EFCAB13: variants seen among roughly 807,000 people sequenced by gnomAD.
EFCAB13 encodes EF-hand calcium binding domain 13.
Under a neutral mutation model 110.2 loss-of-function variants are expected in EFCAB13, and 91 were observed. The observed-to-expected ratio is 0.83, with a 90% CI of 0.70 to 0.98. The LOEUF is 0.98. Among genes scored for constraint, EFCAB13 ranks in the 50% least tolerant of loss-of-function variants. The pLI, the probability that EFCAB13 is intolerant of heterozygous loss-of-function variation, is 0.00. For missense variants in EFCAB13, 968 were observed against 1,119.4 expected, an observed-to-expected ratio of 0.86 and a Z score of 1.93; for synonymous variants, 323 against 369.9, an observed-to-expected ratio of 0.87 and a Z score of 1.45.
At chr17:47,421,125 C>G (rs1341380173) in intron 23 of EFCAB13, among the ~76,000 whole-genome samples, 1 of 151,886 alleles carries the variant, frequency 6.6e-6, no homozygotes, top group Non-Finnish European at 1.5e-5. Context: ...TGCCCGGCCA[C>G]CACCCCGTCT....
At chr17:47,400,992 A>C (rs987967957) in intron 17 of EFCAB13, among the ~76,000 whole-genome samples, 1 of 152,218 alleles carries the variant, frequency 6.6e-6, no homozygotes, top group Non-Finnish European at 1.5e-5. Context: ...TGGAATGTAC[A>C]AACACTTCTA....
At chr17:47,360,853 G>C (rs1365956592) in intron 9 of EFCAB13, among the ~76,000 whole-genome samples, 1 of 152,086 alleles carries the variant, frequency 6.6e-6, no homozygotes, top group African/African-American at 2.4e-5. Context: ...TGGCTAGCCA[G>C]TTTTCCCAGC....
chr17:47,360,848 A>T (rs2143316344), intron 9 of EFCAB13, among the ~76,000 whole-genome samples: 1 of 152,276 alleles, frequency 6.6e-6, no homozygotes, highest in African/African-American at 2.4e-5. Flanking sequence ...ACAAATGGCT[A>T]GCCAGTTTTC....
At chr17:47,420,216 C>A (rs761194054) in intron 23 of EFCAB13, among the ~76,000 whole-genome samples, 10 of 152,210 alleles carry the variant, frequency 6.6e-5, no homozygotes, top group African/African-American at 2.4e-4. Flanking sequence ...CCCAAGGTGC[C>A]GGGGTTGCAG....
intron 10 of EFCAB13, 97 bp downstream of exon 10, chr17:47,361,618 C>T: frequency 1.0e-5 from 10 of 999,794 alleles, no homozygotes; most frequent in Non-Finnish European, 1.4e-5. Flanking sequence ...TCCTTTGCTT[C>T]TCCTTTTTTC....
At chr17:47,393,717 A>AAAT (rs1455862441) in intron 15 of EFCAB13, among the ~76,000 whole-genome samples, 1 of 142,246 alleles carries the variant, frequency 7.0e-6, no homozygotes, top group Non-Finnish European at 1.5e-5. Flanking sequence ...CTCTTTCTCA[A>AAAT]AAATAAATAA....
chr17:47,400,426 A>G (rs1408086692), intron 17 of EFCAB13, among the ~76,000 whole-genome samples: 1 of 152,174 alleles, frequency 6.6e-6, no homozygotes, highest in Non-Finnish European at 1.5e-5. Context: ...TTGCTATTCT[A>G]TTTCAGCAAG....
Position 47,342,126 on chromosome 17 carries a change from G to T in EFCAB13, c.303+94G>T, listed in dbSNP as rs1163223429. 12 of 686,096 alleles carry T rather than the reference G, an allele frequency of 1.7e-5. No homozygotes were observed. The East Asian group carries it at 3.6e-4, about 21-fold the overall frequency. 42.5% of individuals were successfully genotyped at this position (686,096 alleles called of 1,614,324 possible). A position where few individuals can be genotyped will look rare whatever the true frequency, so the allele number is the denominator to read the frequency against. ...AATTTTTTAGTCCAAGTGTTGAAAT[G>T]TCACAGTCTTAAATATCACTACCTG... On this transcript the variant is annotated intron_variant, in intron 6 of 24. Transcript: ENST00000331493.
chr17:47,360,888 T>A (rs1784170814), intron 9 of EFCAB13, among the ~76,000 whole-genome samples: 1 of 152,152 alleles, frequency 6.6e-6, no homozygotes, highest in Non-Finnish European at 1.5e-5. Context: ...TTAAGGAAGT[T>A]TTTTTTGTGG....
At chr17:47,438,379 C>T (rs892352148) in intron 24 of EFCAB13, among the ~76,000 whole-genome samples, 4 of 152,122 alleles carry the variant, frequency 2.6e-5, no homozygotes, top group Admixed American at 1.3e-4. Flanking sequence ...ATTATTCCCC[C>T]AAATATGTTT....
intron 5 of EFCAB13, among the ~76,000 whole-genome samples, chr17:47,340,305 T>C (rs996191983): frequency 3.3e-5 from 5 of 151,784 alleles, no homozygotes; most frequent in African/African-American, 1.2e-4. Flanking sequence ...GGCAACCCAA[T>C]AGTACATGAG....
chr17:47,402,382 T>A (rs1222837275), intron 18 of EFCAB13, among the ~76,000 whole-genome samples, 179 bp downstream of exon 18: 3 of 152,246 alleles, frequency 2.0e-5, no homozygotes. Flanking sequence ...GGAACTTGGC[T>A]TTCAGAATGT....
intron 3 of EFCAB13, among the ~76,000 whole-genome samples, chr17:47,326,607 A>C (rs78021958): frequency 0.023 from 3,439 of 152,346 alleles, 106 homozygotes; most frequent in East Asian, 0.18. Context: ...CATATGAAAA[A>C]TACAAATACA....
At chr17:47,361,235 C>A in intron 9 of EFCAB13, 143 bp from the exon 10 acceptor site, 1 of 658,632 alleles carries the variant, frequency 1.5e-6, no homozygotes, top group Non-Finnish European at 2.6e-6. Context: ...TATTTTATAT[C>A]AGTGGTTTGC....
At chr17:47,325,926 ATAT>A (rs2065281103) in intron 2 of EFCAB13, among the ~76,000 whole-genome samples, 2 of 20,158 alleles carry the variant, frequency 9.9e-5, no homozygotes, top group African/African-American at 1.5e-4. Flanking sequence ...TAAACAAAAT[ATAT>A]ATATATATAT....
intron 24 of EFCAB13, among the ~76,000 whole-genome samples, chr17:47,433,644 G>C (rs776466924): frequency 2.6e-5 from 4 of 152,042 alleles, no homozygotes; most frequent in Non-Finnish European, 4.4e-5. Flanking sequence ...TTCTAATGTT[G>C]ATTTTCTACT....
chr17:47,344,341 G>T, intron 7 of EFCAB13, 49 bp downstream of exon 7: 1 of 1,577,774 alleles, frequency 6.3e-7, no homozygotes, highest in Admixed American at 1.8e-5. Context: ...TTCAGACTTG[G>T]GTGTTTCTCT....
At chr17:47,363,051 C>T (rs182895629) in intron 10 of EFCAB13, among the ~76,000 whole-genome samples, 48 of 152,224 alleles carry the variant, frequency 3.2e-4, no homozygotes, top group Admixed American at 2.3e-3. Flanking sequence ...ACCCACTGAC[C>T]CTGTGGGGCT....
At chr17:47,344,389 G>A in intron 7 of EFCAB13, 97 bp downstream of exon 7, 1 of 1,387,450 alleles carries the variant, frequency 7.2e-7, no homozygotes, top group Non-Finnish European at 9.8e-7. Context: ...AGAATATGAA[G>A]TAGTTTATGC....
Sources: allele counts gnomAD v4.1 joint callset (sites outside exome capture counted in the v4.1 genomes callset), GRCh38; gene constraint gnomAD v4.1.1; transcripts MANE v1.5; gene names NCBI Gene and HGNC (gene_info 2026-07-23, HGNC 2026-07-21).